PRAMEF15: variants seen among roughly 807,000 people sequenced by gnomAD.
PRAMEF15 encodes the protein PRAME family member 9/15.
In PRAMEF15, 21 loss-of-function variants were observed where a neutral mutation model predicts 35.3. That is an observed-to-expected ratio of 0.59 (90% CI 0.42 to 0.86). PRAMEF15 has a LOEUF of 0.86. PRAMEF15 is among the 40% of genes least tolerant of loss of function. The pLI is 0.00. For missense variants in PRAMEF15, 360 were observed against 574.1 expected (o/e 0.63, Z 3.81); for synonymous variants, 122 against 223.3 (o/e 0.55, Z 4.05).
chr1:13,318,385 C>T lies in PRAMEF15; in HGVS notation c.-16-7C>T. 2.5e-6 allele frequency: 4 copies of T among 1,611,224 alleles called. No individual in the cohort carries two copies. The highest frequency in any genetic ancestry group is 2.2e-4 in the Middle Eastern group (1 of 4,462). ...GATGCCTCTTCTCTGGGTTTGTCCT[C>T]TGGAAGTTTTCCCTGCAGATTCATG... is the stretch of plus-strand genomic sequence containing the variant. On this transcript the variant is annotated splice_region_variant and splice_polypyrimidine_tract_variant and intron_variant, in intron 1 of 3. Transcript: ENST00000376152.
chr1:13,322,198 T>C lies in PRAMEF15; in HGVS notation c.1371T>C (p.Thr457=). The change falls in exon 4 of 4, where the codon ACT becomes ACC. Residue 457 remains threonine (T), a synonymous_variant. Coordinates refer to ENST00000376152, the MANE Select transcript of PRAMEF15 (RefSeq NM_001098376.3). ...LRHPKRILFC[T]DYCPDCGNRS... is the part of the protein sequence containing the mutation. ...ACCCCAAGAGGATCTTGTTCTGTAC[T>C]GACTACTGCCCTGACTGTGGCAACA... 1 of 1,608,434 alleles carries C rather than the reference T, an allele frequency of 6.2e-7. No homozygotes were observed. The highest frequency in any genetic ancestry group is 8.5e-7 in the Non-Finnish European group (1 of 1,178,702).
At chr1:13,316,872 T>A (rs1640011524) in intron 1 of PRAMEF15, among the ~76,000 whole-genome samples, 1 of 151,076 alleles carries the variant, frequency 6.6e-6, no homozygotes, top group Admixed American at 6.6e-5. Flanking sequence ...CTTCCCTGTC[T>A]CACACTCAGG....
rs1337720363 is a variant in PRAMEF15 at position 13,321,566 on chromosome 1, G to A, written c.876-137G>A. On this transcript the variant is annotated intron_variant, in intron 3 of 3. Coordinates refer to ENST00000376152, the MANE Select transcript of PRAMEF15 (RefSeq NM_001098376.3). ...AGCTCTTCATCACGCATCATCCTAA[G>A]TGTTGACCATCAGGCCATCAGAATG... 5.6e-6 allele frequency: 8 copies of A among 1,428,888 alleles called. No individual in the cohort carries two copies. In the East Asian group the frequency reaches 9.2e-5, roughly 16 times the overall value. The allele number at this position is 1,428,888 out of a possible 1,614,324, so 88.5% of individuals were successfully genotyped here.
Position 13,322,127 on chromosome 1 carries a change from G to C in PRAMEF15, c.1300G>C (p.Ala434Pro), listed in dbSNP as rs1356498458. The C allele has an allele frequency of 3.7e-6, 6 of 1,609,514 alleles. No homozygotes were observed. The highest frequency in any genetic ancestry group is 1.1e-5 in the South Asian group (1 of 90,710). Residue 434 changes from alanine to proline, a missense_variant, in exon 4 of 4, where the codon GCT (alanine) becomes CCT (proline). This residue lies in a region of PRAMEF15 where 147 missense variants were observed against 123.5 expected (regional missense o/e 1.19). Coordinates refer to ENST00000376152, the MANE Select transcript of PRAMEF15 (RefSeq NM_001098376.3). ...ADGTLCWSRF[A>P]QIRAELMNRV... is the part of the protein sequence containing the mutation. ...TGGTACTCTCTGCTGGAGCAGATTTGCTCAAATTAGGGCTGAGCTGATGAA... is the reference window on the plus strand; with the variant it reads ...TGGTACTCTCTGCTGGAGCAGATTTCCTCAAATTAGGGCTGAGCTGATGAA...
intron 3 of PRAMEF15, among the ~76,000 whole-genome samples, chr1:13,320,497 C>T (rs1553166622): frequency 1.3e-5 from 2 of 152,046 alleles, no homozygotes; most frequent in African/African-American, 4.8e-5. Context: ...CATCTCAGCT[C>T]GCAGCGACTT....
intron 1 of PRAMEF15, among the ~76,000 whole-genome samples, chr1:13,316,692 T>C (rs1243247296): frequency 1.3e-5 from 2 of 151,996 alleles, no homozygotes; most frequent in South Asian, 2.1e-4. Context: ...CAGGTGATCA[T>C]GGGTTACATG....
In PRAMEF15 at chr1:13,322,064, G is replaced by C; in HGVS notation, c.1237G>C (p.Glu413Gln). The C allele has an allele frequency of 2.5e-6, 4 of 1,610,094 alleles. No individual in the cohort carries two copies. The highest frequency in any genetic ancestry group is 3.4e-6 in the Non-Finnish European group (4 of 1,179,094). The stretch of plus-strand genomic sequence containing the variant: ...AATCATACTCAAAAACTTATGTGTG[G>C]AGCTGTATCCTGCCCCCCGAGAGAG... ...HTIILKNLCV[E>Q]LYPAPRESYG... is the part of the protein sequence containing the mutation. The change falls in exon 4 of 4, where the codon GAG becomes CAG. Residue 413 changes from glutamate to glutamine, a missense_variant. Around this residue, in one of 8 missense-constraint regions of PRAMEF15, gnomAD observed 147 missense variants for 123.5 expected, o/e 1.19. Transcript: ENST00000376152.
chr1:13,321,764 T>C lies in PRAMEF15; in HGVS notation c.937T>C (p.Leu313=), dbSNP rs1640086910. The C allele has an allele frequency of 6.2e-7, 1 of 1,609,338 alleles. No homozygotes were observed. The highest frequency in any genetic ancestry group is 8.5e-7 in the Non-Finnish European group (1 of 1,177,974). Residue 313 remains leucine, a synonymous_variant, in exon 4 of 4, where the codon TTG becomes CTG. Coordinates refer to ENST00000376152, the MANE Select transcript of PRAMEF15 (RefSeq NM_001098376.3). The part of the protein sequence containing the change: ...ITNCVLLESD[L]KHLSQCPSIS... ...TAACTGTGTGCTTTTGGAATCAGAC[T>C]TGAAGCATCTATCCCAGTGCCCGAG...
chr1:13,319,428 T>A lies in PRAMEF15; in HGVS notation c.350T>A (p.Val117Asp), dbSNP rs1347441354. 1.9e-6 allele frequency: 3 copies of A among 1,612,786 alleles called. No homozygotes were observed. Among genetic ancestry groups the A allele is most frequent in the Non-Finnish European group, 1.7e-6 (2 of 1,179,842 alleles). ...GATGTCTGTGAGAACTTCTGGATGG[T>A]TTGGTCTGAAGCTATGGCCCATGGG... ...LQDVCENFWMVWSEAMAHGCF... is the reference protein window; with the variant it reads ...LQDVCENFWMDWSEAMAHGCF... Residue 117 changes from valine to aspartate, a missense_variant, in exon 3 of 4, where the codon GTT becomes GAT. By Grantham distance (152) the Val-to-Asp change is radical (BLOSUM62 -3). Transcript: ENST00000376152.
intron 1 of PRAMEF15, among the ~76,000 whole-genome samples, chr1:13,316,903 G>C (rs1222160475): frequency 6.6e-6 from 1 of 150,420 alleles, no homozygotes; most frequent in African/African-American, 2.5e-5. Flanking sequence ...ACACATATTA[G>C]TAAAACTCCA....
At chr1:13,320,009 A>C (rs1291364019) in intron 3 of PRAMEF15, 56 bp downstream of exon 3, 309 of 1,608,288 alleles carry the variant, frequency 1.9e-4, no homozygotes, top group Non-Finnish European at 2.6e-4. Flanking sequence ...GTTACAGTCA[A>C]CACTAGTGGG....
intron 1 of PRAMEF15, 76 bp downstream of exon 1, chr1:13,315,734 T>G (rs1327021003): frequency 1.3e-5 from 2 of 150,724 alleles, no homozygotes; most frequent in Non-Finnish European, 3.0e-5. Flanking sequence ...CAGTGCAGCC[T>G]ACGATGGCAC....
At position 13,318,996 on chromosome 1, in the gene PRAMEF15, G is replaced by A. The variant is rs1640043615; in HGVS notation, c.293+296G>A. 2.6e-5 allele frequency among the ~76,000 whole-genome samples: 4 copies of A among 152,042 alleles called. No individual in the cohort carries two copies. The South Asian group carries it at 8.3e-4, about 32-fold the overall frequency. ...GGGAGGCTGAGGTCAAGAGTTGGAGGCCAGCCTGTCCAACATGGTAAACCC... is the reference window on the plus strand; with the variant it reads ...GGGAGGCTGAGGTCAAGAGTTGGAGACCAGCCTGTCCAACATGGTAAACCC... On this transcript the variant is annotated intron_variant, in intron 2 of 3. Transcript: ENST00000376152.
intron 3 of PRAMEF15, among the ~76,000 whole-genome samples, chr1:13,320,948 A>T (rs1216775657): frequency 2.6e-5 from 4 of 152,070 alleles, no homozygotes; most frequent in East Asian, 1.9e-4. Context: ...AGGGTCAGGG[A>T]GCAGGCACAA....
intron 3 of PRAMEF15, among the ~76,000 whole-genome samples, chr1:13,320,969 A>C (rs1423881000): frequency 3.3e-5 from 5 of 152,130 alleles, no homozygotes; most frequent in Non-Finnish European, 7.4e-5. Flanking sequence ...AGAATGGTGA[A>C]AGTGATAGAT....
At chr1:13,321,241 GTC>G (rs1491345889) in intron 3 of PRAMEF15, among the ~76,000 whole-genome samples, 2 of 140,696 alleles carry the variant, frequency 1.4e-5, no homozygotes, top group Admixed American at 7.1e-5. Context: ...TCAAAACAGA[GTC>G]TCTCTCTGTC....
intron 1 of PRAMEF15, among the ~76,000 whole-genome samples, chr1:13,316,028 C>G (rs1226375138): frequency 2.0e-5 from 3 of 150,722 alleles, no homozygotes; most frequent in African/African-American, 4.9e-5. Flanking sequence ...GGGATGGAGT[C>G]TCACTGTGTT....
intron 3 of PRAMEF15, among the ~76,000 whole-genome samples, 168 bp downstream of exon 3, chr1:13,320,121 C>T (rs1445752865): frequency 1.3e-5 from 2 of 152,096 alleles, no homozygotes; most frequent in African/African-American, 4.8e-5. Context: ...GGGTATCATG[C>T]AACCATCCCA....
At position 13,322,095 on chromosome 1, in the gene PRAMEF15, G is replaced by C. The variant is rs1468962098; in HGVS notation, c.1268G>C (p.Gly423Ala). 1.2e-6 allele frequency: 2 copies of C among 1,609,372 alleles called. No individual in the cohort carries two copies. Among genetic ancestry groups the C allele is most frequent in the South Asian group, 1.1e-5 (1 of 90,732 alleles). The part of the protein sequence containing the change: ...ELYPAPRESY[G>A]ADGTLCWSRF... ...TATCCTGCCCCCCGAGAGAGTTATG[G>C]TGCTGATGGTACTCTCTGCTGGAGC... Residue 423 changes from glycine (G) to alanine (A), a missense_variant, in exon 4 of 4, where the codon GGT becomes GCT. Transcript: ENST00000376152.
Sources: allele counts gnomAD v4.1 joint callset (sites outside exome capture counted in the v4.1 genomes callset), GRCh38; gene constraint gnomAD v4.1.1; regional missense constraint gnomAD v4.1.1; transcripts MANE v1.5; gene names NCBI Gene and HGNC (gene_info 2026-07-23, HGNC 2026-07-21).